CFAP77: variants seen among roughly 807,000 people sequenced by gnomAD.
CFAP77 encodes cilia and flagella associated protein 77.
CFAP77 carries 25 observed loss-of-function variants against 31.1 expected under a neutral mutation model. The ratio of observed to expected loss-of-function variants is 0.80; its 90% CI spans 0.59 to 1.12. The LOEUF (loss-of-function observed/expected upper bound fraction) is 1.12. CFAP77 is among the 50% of genes most tolerant of loss of function. CFAP77 has a pLI of 0.00. For synonymous variants in CFAP77, 151 were observed against 159.9 expected (o/e 0.94, Z 0.42); for missense variants, 377 against 397.3 (o/e 0.95, Z 0.44).
In CFAP77 at chr9:132,564,832, C is replaced by T. The variant is rs541937019; in HGVS notation, c.733-7556C>T. 3.3e-5 allele frequency among the ~76,000 whole-genome samples: 5 copies of T among 152,240 alleles called. No homozygotes were observed. Among genetic ancestry groups the T allele is most frequent in the East Asian group, 1.9e-4 (1 of 5,182 alleles). On this transcript the variant is annotated intron_variant, in intron 5 of 5. Coordinates refer to ENST00000393216, the MANE Select transcript of CFAP77 (RefSeq NM_001282957.2). This position sits in a 1 kb window ranked among gnomAD's most constrained non-coding sequence, Gnocchi z 4.6. ...AAATGAGTTAGAAAATGGGGCCCACCGCTCTAGATGCGGGAAGCAAAGTGA... is the reference window on the plus strand; with the variant it reads ...AAATGAGTTAGAAAATGGGGCCCACTGCTCTAGATGCGGGAAGCAAAGTGA...
At chr9:132,436,942 G>T (rs1261677072) in intron 1 of CFAP77, among the ~76,000 whole-genome samples, 1 of 152,140 alleles carries the variant, frequency 6.6e-6, no homozygotes, top group African/African-American at 2.4e-5. Flanking sequence ...GTAAGTTATA[G>T]ATAGGGGCTG....
At chr9:132,526,536 G>T (rs1852367449) in intron 3 of CFAP77, among the ~76,000 whole-genome samples, 1 of 123,952 alleles carries the variant, frequency 8.1e-6, no homozygotes, top group African/African-American at 3.2e-5. Context: ...CCGACCGGCA[G>T]TTTCTTAAAA....
chr9:132,450,523 G>A (rs544874425), intron 1 of CFAP77, among the ~76,000 whole-genome samples: 31 of 152,320 alleles, frequency 2.0e-4, no homozygotes, highest in African/African-American at 7.2e-4. Context: ...CTGTGAGATA[G>A]GTCCTCCTAT....
Position 132,492,984 on chromosome 9 carries a change from G to A in CFAP77, c.196-5711G>A, listed in dbSNP as rs180797585. ...GGACTCCCACGGCTCCAGCCTGGGCGGACACAGCCATGCTCATTTGATCAT... is the reference window on the plus strand; with the variant it reads ...GGACTCCCACGGCTCCAGCCTGGGCAGACACAGCCATGCTCATTTGATCAT... On this transcript the variant is annotated intron_variant, in intron 1 of 5. Coordinates refer to ENST00000393216, the MANE Select transcript of CFAP77 (RefSeq NM_001282957.2). 5.3e-3 allele frequency among the ~76,000 whole-genome samples: 810 copies of A among 152,268 alleles called. 14 individuals are homozygous for A. The highest frequency in any genetic ancestry group is 0.018 in the African/African-American group (766 of 41,556).
At chr9:132,464,889 C>T (rs1186569538) in intron 1 of CFAP77, among the ~76,000 whole-genome samples, 2 of 151,730 alleles carry the variant, frequency 1.3e-5, no homozygotes, top group African/African-American at 2.4e-5. Context: ...GTCAGGAATT[C>T]GAGACCACCC....
At chr9:132,532,574 C>A (rs1302583647) in intron 3 of CFAP77, among the ~76,000 whole-genome samples, 1 of 152,182 alleles carries the variant, frequency 6.6e-6, no homozygotes, top group Non-Finnish European at 1.5e-5. Flanking sequence ...AAGACCACCA[C>A]GCAGGCCACA....
At chr9:132,482,802 T>G (rs1589877478) in intron 1 of CFAP77, among the ~76,000 whole-genome samples, 3 of 55,660 alleles carry the variant, frequency 5.4e-5, no homozygotes, top group African/African-American at 7.8e-5. Flanking sequence ...GGGACTGTTG[T>G]GGGGTGGGGG....
In CFAP77 at chr9:132,509,298, A is replaced by G. The variant is rs572514450; in HGVS notation, c.524+9698A>G. On this transcript the variant is annotated intron_variant, in intron 3 of 5. Transcript: ENST00000393216. ...AGCTTACACCAGGACCCTAGCCCTTAGCGGCCTGAACAGGTTCTTTTGGGA... is the reference window on the plus strand; with the variant it reads ...AGCTTACACCAGGACCCTAGCCCTTGGCGGCCTGAACAGGTTCTTTTGGGA... 8.5e-5 allele frequency among the ~76,000 whole-genome samples: 13 copies of G among 152,356 alleles called. No homozygotes were observed. In the East Asian group the frequency reaches 2.3e-3, roughly 27 times the overall value.
intron 4 of CFAP77, among the ~76,000 whole-genome samples, chr9:132,542,511 G>A (rs1407272613): frequency 2.0e-5 from 3 of 152,204 alleles, no homozygotes; most frequent in South Asian, 2.1e-4. Context: ...CCTCCTGCAC[G>A]AGCAGGCCAT....
intron 1 of CFAP77, among the ~76,000 whole-genome samples, chr9:132,459,575 ATGTATG>A (rs1295372906): frequency 7.0e-6 from 1 of 143,056 alleles, no homozygotes; most frequent in Admixed American, 6.9e-5. Context: ...GCATGTGTGC[ATGTATG>A]TGTATGTATA....
rs1852163194 is a variant in CFAP77, at chr9:132,517,157, C to T, written c.524+17557C>T. 6.6e-6 allele frequency among the ~76,000 whole-genome samples: 1 copy of T among 152,138 alleles called. No individual in the cohort carries two copies. The highest frequency in any genetic ancestry group is 1.5e-5 in the Non-Finnish European group (1 of 68,020). On this transcript the variant is annotated intron_variant, in intron 3 of 5. Coordinates refer to ENST00000393216, the MANE Select transcript of CFAP77 (RefSeq NM_001282957.2). The surrounding 1 kb of genome is among the most constrained non-coding windows in gnomAD (Gnocchi z 4.7). ...TTTCGTATCGTGGAGAGAAGCCCAG[C>T]CCTCCAGCCTTCTCCCTCCTCCCAA...
At chr9:132,411,584 T>C (rs1428392460) in intron 1 of CFAP77, among the ~76,000 whole-genome samples, 2 of 152,126 alleles carry the variant, frequency 1.3e-5, no homozygotes, top group Non-Finnish European at 2.9e-5. Flanking sequence ...GCTCCTTTCT[T>C]AGGCCTCTCA....
chr9:132,467,158 A>G (rs892553324), intron 1 of CFAP77, among the ~76,000 whole-genome samples: 1 of 152,240 alleles, frequency 6.6e-6, no homozygotes, highest in Non-Finnish European at 1.5e-5. Context: ...AGCCTGGGCA[A>G]CAGAGTGAGA....
At chr9:132,467,921 G>C (rs1186940064) in intron 1 of CFAP77, among the ~76,000 whole-genome samples, 1 of 151,878 alleles carries the variant, frequency 6.6e-6, no homozygotes, top group Non-Finnish European at 1.5e-5. Flanking sequence ...GGTGTGAGAT[G>C]GGGGGAACAT....
chr9:132,510,196 G>A (rs1350909335), intron 3 of CFAP77, among the ~76,000 whole-genome samples: 2 of 152,184 alleles, frequency 1.3e-5, no homozygotes, highest in Non-Finnish European at 2.9e-5. Flanking sequence ...CAACGCTAAC[G>A]AGGCTGGCCC....
chr9:132,438,541 A>ATATATTTTTTTTTT, intron 1 of CFAP77, among the ~76,000 whole-genome samples: 1 of 108,154 alleles, frequency 9.2e-6, no homozygotes, highest in East Asian at 2.3e-4. Flanking sequence ...ATATATATAT[A>ATATATTTTTTTTTT]TTTTTTTTTT....
rs1851434184 is a variant in CFAP77 at position 132,480,929 on chromosome 9, A to T, written c.196-17766A>T. ...CCATTGTGGTCCGGGGGCCCCTGTT[A>T]TCAAAACAAGCCACAGACAGTCCCC... On this transcript the variant is annotated intron_variant, in intron 1 of 5. Coordinates refer to ENST00000393216, the MANE Select transcript of CFAP77 (RefSeq NM_001282957.2). The surrounding 1 kb of genome is among the most constrained non-coding windows in gnomAD (Gnocchi z 5.8). Among the ~76,000 whole-genome samples, 1 of 152,142 alleles carries T rather than the reference A, an allele frequency of 6.6e-6. No homozygotes were observed. The highest frequency in any genetic ancestry group is 6.5e-5 in the Admixed American group (1 of 15,274).
At chr9:132,449,294 C>G (rs148998114) in intron 1 of CFAP77, among the ~76,000 whole-genome samples, 2 of 78,060 alleles carry the variant, frequency 2.6e-5, no homozygotes, top group African/African-American at 1.0e-4. Context: ...CTACTCCTGG[C>G]TGCACTCACC....
intron 3 of CFAP77, among the ~76,000 whole-genome samples, chr9:132,503,483 G>A (rs187830132): frequency 3.9e-5 from 6 of 152,260 alleles, no homozygotes; most frequent in East Asian, 1.9e-4. Flanking sequence ...ATTCCCCCCA[G>A]GGCTTCTGTT....
Sources: allele counts gnomAD v4.1 joint callset (sites outside exome capture counted in the v4.1 genomes callset), GRCh38; gene constraint gnomAD v4.1.1; non-coding constraint Gnocchi (gnomAD v3.1); transcripts MANE v1.5; gene names NCBI Gene and HGNC (gene_info 2026-07-23, HGNC 2026-07-21).